The following LRIG1 variants were observed in gnomAD, a reference collection of about 807,000 sequenced individuals.
The protein encoded by LRIG1 is leucine-rich repeats and immunoglobulin-like domains protein 1.
A neutral mutation model predicts 99.2 loss-of-function variants in LRIG1; 48 were observed. That is an observed-to-expected ratio of 0.48 (90% confidence interval 0.38 to 0.62). LRIG1 has a LOEUF of 0.62. Among genes scored for constraint, LRIG1 ranks in the 20% least tolerant of loss-of-function variants. LRIG1 has a pLI of 0.00. For synonymous variants in LRIG1, 772 were observed against 596.1 expected, an observed-to-expected ratio of 1.29 and a Z score of -4.30; for missense variants, 1,646 against 1,434.4, an observed-to-expected ratio of 1.15 and a Z score of -2.38.
chr3:66,419,893 G>C (rs963627105), intron 3 of LRIG1, among the ~76,000 whole-genome samples: 1 of 152,238 alleles, frequency 6.6e-6, no homozygotes. Flanking sequence ...GTTCTAGCTT[G>C]GAAATGGAAG....
intron 3 of LRIG1, among the ~76,000 whole-genome samples, chr3:66,428,700 T>A (rs1223828049): frequency 6.6e-6 from 1 of 152,240 alleles, no homozygotes; most frequent in Non-Finnish European, 1.5e-5. Flanking sequence ...CATTTCCCTC[T>A]AGCCTGCTTT....
intron 8 of LRIG1, chr3:66,406,251 G>C (rs1448272716): frequency 1.7e-5 from 17 of 985,330 alleles, no homozygotes; most frequent in Non-Finnish European, 2.0e-5. Context: ...TCCTCTCAAT[G>C]GGTTCCTTCC....
At chr3:66,401,139 G>C (rs1178968933) in intron 9 of LRIG1, among the ~76,000 whole-genome samples, 1 of 152,246 alleles carries the variant, frequency 6.6e-6, no homozygotes, top group Admixed American at 6.5e-5. Flanking sequence ...CAGGCCGTCT[G>C]CATGAATGTG....
In LRIG1 at chr3:66,493,012, T is replaced by C. The variant is rs561642646; in HGVS notation, c.218+7178A>G. On this transcript the variant is annotated intron_variant, in intron 1 of 18. Transcript: ENST00000273261. ...GTCCCCTACAAAGTTACTATGCAAT[T>C]CCAAACAGACCAAAACAAATGAAAA... 1.1e-4 allele frequency among the ~76,000 whole-genome samples: 16 copies of C among 152,276 alleles called. 1 individual carries two copies. The South Asian group carries it at 3.1e-3, about 30-fold the overall frequency.
intron 2 of LRIG1, among the ~76,000 whole-genome samples, chr3:66,458,760 T>C (rs1373964179): frequency 6.6e-6 from 1 of 152,068 alleles, no homozygotes; most frequent in Non-Finnish European, 1.5e-5. Flanking sequence ...CTCATGCCTC[T>C]AATCCTAGCA....
In LRIG1 at chr3:66,380,844, C is replaced by G. The variant is rs143941704; in HGVS notation, c.2788G>C (p.Val930Leu). 1.9e-5 allele frequency: 30 copies of G among 1,613,886 alleles called. No individual in the cohort carries two copies. The highest frequency in any genetic ancestry group is 1.1e-4 in the African/African-American group (8 of 74,922). Reference protein sequence around the residue: ...PHKMEHGGRVVCSDCNTEVDC... With the variant: ...PHKMEHGGRVLCSDCNTEVDC... ...ACTTCGGTGTTGCAGTCACTGCATACGACCCGGCCACCGTGTTCTGAAGGA... is the reference window on the plus strand; with the variant it reads ...ACTTCGGTGTTGCAGTCACTGCATAGGACCCGGCCACCGTGTTCTGAAGGA... The change falls in exon 18 of 19, where the codon GTA (valine) becomes CTA (leucine). Residue 930 changes from valine (V) to leucine (L), a missense_variant. Physicochemically the swap from Val to Leu is conservative, Grantham distance 32. Coordinates refer to ENST00000273261, the MANE Select transcript of LRIG1 (RefSeq NM_015541.3).
At chr3:66,493,923 G>A (rs1701166849) in intron 1 of LRIG1, among the ~76,000 whole-genome samples, 1 of 138,078 alleles carries the variant, frequency 7.2e-6, no homozygotes, top group African/African-American at 2.7e-5. Context: ...AGGGAGGAGA[G>A]AAAGAAAAAA....
At chr3:66,386,401 G>A in intron 12 of LRIG1, 100 bp from the exon 13 acceptor site, 1 of 1,023,052 alleles carries the variant, frequency 9.8e-7, no homozygotes, top group Admixed American at 2.1e-5. Context: ...CACCAAGCAG[G>A]AACCAGAGCT....
intron 2 of LRIG1, among the ~76,000 whole-genome samples, chr3:66,454,066 G>C (rs1703992903): frequency 6.6e-6 from 1 of 152,172 alleles, no homozygotes; most frequent in South Asian, 2.1e-4. Flanking sequence ...CCGAGTCAAG[G>C]GCTCAGTCAG....
chr3:66,477,716 A>AT (rs1700753806), intron 1 of LRIG1, among the ~76,000 whole-genome samples: 1 of 152,038 alleles, frequency 6.6e-6, no homozygotes, highest in African/African-American at 2.4e-5. Flanking sequence ...TCATTCTCTC[A>AT]TTTTTAAAGA....
intron 1 of LRIG1, among the ~76,000 whole-genome samples, chr3:66,474,775 C>A (rs747459929): frequency 6.6e-6 from 1 of 152,140 alleles, no homozygotes; most frequent in African/African-American, 2.4e-5. Context: ...TGGACCCTAG[C>A]GGCAAATTCC....
intron 1 of LRIG1, among the ~76,000 whole-genome samples, chr3:66,479,036 C>T (rs1445456607): frequency 6.6e-6 from 1 of 152,174 alleles, no homozygotes; most frequent in Non-Finnish European, 1.5e-5. Context: ...ACCCTGCAGC[C>T]GCCCAAGTTC....
chr3:66,496,449 T>C (rs554613427), intron 1 of LRIG1, among the ~76,000 whole-genome samples: 99 of 152,296 alleles, frequency 6.5e-4, no homozygotes, highest in Middle Eastern at 3.4e-3. Context: ...TCAAAAAAAG[T>C]TGTCAGAGAG....
intron 15 of LRIG1, 89 bp from the exon 16 acceptor site, chr3:66,382,487 C>T (rs931880036): frequency 1.4e-6 from 2 of 1,473,154 alleles, no homozygotes; most frequent in African/African-American, 1.4e-5. Flanking sequence ...AAAGGGGATC[C>T]TCCCAGTGAC....
chr3:66,437,705 C>T (rs1703405245), intron 3 of LRIG1, among the ~76,000 whole-genome samples: 1 of 152,150 alleles, frequency 6.6e-6, no homozygotes, highest in African/African-American at 2.4e-5. Context: ...CTACATGCAG[C>T]TGCTGCAAGG....
At position 66,418,148 on chromosome 3, in the gene LRIG1, G is replaced by A. The variant is rs150583628; in HGVS notation, c.366-882C>T. Among the ~76,000 whole-genome samples, 1,153 of 152,188 alleles carry A rather than the reference G, an allele frequency of 7.6e-3. 11 individuals are homozygous for A. Among genetic ancestry groups the A allele is most frequent in the African/African-American group, 0.026 (1,091 of 41,516 alleles). ...CGCTCTGTCGCCAGGCTGGAGTGCA[G>A]TGGCGCCATCTTGGCTCACTGCAAC... is the stretch of plus-strand genomic sequence containing the variant. On this transcript the variant is annotated intron_variant, in intron 3 of 18. Transcript: ENST00000273261.
At chr3:66,477,228 C>T (rs1575722632) in intron 1 of LRIG1, among the ~76,000 whole-genome samples, 1 of 33,826 alleles carries the variant, frequency 3.0e-5, no homozygotes, top group East Asian at 1.6e-3. Flanking sequence ...TCTTACTTAA[C>T]AGCTGGTTTT....
intron 2 of LRIG1, among the ~76,000 whole-genome samples, chr3:66,453,097 T>G (rs1289043404): frequency 6.6e-6 from 1 of 152,184 alleles, no homozygotes; most frequent in Non-Finnish European, 1.5e-5. Flanking sequence ...AACTCCCCAT[T>G]AGTCTTAATC....
intron 2 of LRIG1, among the ~76,000 whole-genome samples, chr3:66,457,959 G>T (rs929785963): frequency 2.0e-5 from 3 of 152,196 alleles, no homozygotes; most frequent in Non-Finnish European, 4.4e-5. Context: ...AGTTGACTGT[G>T]AGAGTTAAGA....
Sources: allele counts gnomAD v4.1 joint callset (sites outside exome capture counted in the v4.1 genomes callset), GRCh38; gene constraint gnomAD v4.1.1; transcripts MANE v1.5; gene names NCBI Gene and HGNC (gene_info 2026-07-23, HGNC 2026-07-21).